Variants in JAM3 observed in about 807,000 individuals in gnomAD.
JAM3 encodes the protein junctional adhesion molecule 3, also known as junctional adhesion molecule C.
Under a neutral mutation model 39.4 loss-of-function variants are expected in JAM3, and 31 were observed. The ratio of observed to expected loss-of-function variants is 0.79; its 90% CI spans 0.59 to 1.06. JAM3 has a LOEUF of 1.06. Ranked by LOEUF, JAM3 falls within the 50% of genes least tolerant of loss-of-function variation. The probability of loss-of-function intolerance (pLI) is 0.00; values close to 1 mark genes in which losing one functional copy is unlikely to be tolerated. For synonymous variants in JAM3, 182 were observed against 148.7 expected, an observed-to-expected ratio of 1.22 and a Z score of -1.63; for missense variants, 455 against 391.4, an observed-to-expected ratio of 1.16 and a Z score of -1.37.
At chr11:134,098,630 T>G (rs1438299103) in intron 1 of JAM3, among the ~76,000 whole-genome samples, 1 of 152,190 alleles carries the variant, frequency 6.6e-6, no homozygotes, top group East Asian at 1.9e-4. Context: ...CCTTGTTGCA[T>G]CATAACAAGG....
intron 2 of JAM3, 85 bp from the exon 3 acceptor site, chr11:134,140,572 A>T: frequency 9.0e-7 from 1 of 1,109,250 alleles, no homozygotes; most frequent in Non-Finnish European, 1.4e-6. Flanking sequence ...AGGCCTCTTG[A>T]ATTAGAGCTT....
At chr11:134,148,994 A>T (rs556034171) in intron 8 of JAM3, 152 bp from the exon 9 acceptor site, 24 of 985,838 alleles carry the variant, frequency 2.4e-5, no homozygotes, top group Admixed American at 9.7e-5. Context: ...ACACACACAC[A>T]CTAATGGGAT....
At chr11:134,136,811 C>T (rs1942872536) in intron 1 of JAM3, among the ~76,000 whole-genome samples, 1 of 152,138 alleles carries the variant, frequency 6.6e-6, no homozygotes, top group African/African-American at 2.4e-5. Flanking sequence ...CAGGCCAAGG[C>T]TTCATTAAGA....
At chr11:134,092,383 A>G (rs1941880606) in intron 1 of JAM3, among the ~76,000 whole-genome samples, 1 of 67,742 alleles carries the variant, frequency 1.5e-5, no homozygotes, top group Non-Finnish European at 2.8e-5. Flanking sequence ...TCCTGAGGGA[A>G]GCTTCTCCTG....
chr11:134,145,014 G>T lies in JAM3; in HGVS notation c.612+20G>T. On this transcript the variant is annotated intron_variant, in intron 5 of 8. Coordinates refer to ENST00000299106, the MANE Select transcript of JAM3 (RefSeq NM_032801.5). Reference sequence around the variant, plus strand: ...ACTTTGGTAAGATCTCTTCTAAGAGGTGAGGATGGAGATGTCTTTGTTGGG... The same window carrying T: ...ACTTTGGTAAGATCTCTTCTAAGAGTTGAGGATGGAGATGTCTTTGTTGGG... The T allele has an allele frequency of 6.3e-7, 1 of 1,578,770 alleles. No homozygotes were observed. The highest frequency in any genetic ancestry group is 1.1e-5 in the South Asian group (1 of 90,312).
chr11:134,147,148 T>G (rs1943088165), intron 6 of JAM3, among the ~76,000 whole-genome samples: 1 of 152,126 alleles, frequency 6.6e-6, no homozygotes, highest in African/African-American at 2.4e-5. Context: ...AACTTGGGAA[T>G]TGACATTTTA....
chr11:134,070,777 A>G (rs1350264097), intron 1 of JAM3, among the ~76,000 whole-genome samples: 2 of 152,246 alleles, frequency 1.3e-5, no homozygotes, highest in Non-Finnish European at 2.9e-5. Context: ...TAGTTTGTTA[A>G]TAAAACTAGA....
chr11:134,087,858 T>C (rs937346535), intron 1 of JAM3, among the ~76,000 whole-genome samples: 5 of 152,232 alleles, frequency 3.3e-5, no homozygotes, highest in African/African-American at 1.2e-4. Flanking sequence ...TTATCAACTT[T>C]GGTACTGTTG....
intron 6 of JAM3, chr11:134,148,132 T>A (rs1244425361): frequency 4.2e-6 from 1 of 239,288 alleles, no homozygotes; most frequent in Non-Finnish European, 8.2e-6. Context: ...GCTACCTTTC[T>A]TCCCCGCAGC....
At chr11:134,118,611 G>T (rs987794400) in intron 1 of JAM3, among the ~76,000 whole-genome samples, 2 of 152,064 alleles carry the variant, frequency 1.3e-5, no homozygotes, top group African/African-American at 4.8e-5. Context: ...CTGCTCTGCT[G>T]CCTTCACCCT....
chr11:134,125,980 C>T (rs987913422), intron 1 of JAM3, among the ~76,000 whole-genome samples: 3 of 152,188 alleles, frequency 2.0e-5, no homozygotes, highest in African/African-American at 4.8e-5. Flanking sequence ...CAAAATCATG[C>T]TCTTTGTGAA....
intron 1 of JAM3, among the ~76,000 whole-genome samples, chr11:134,109,422 C>T (rs1246757390): frequency 6.6e-6 from 1 of 152,222 alleles, no homozygotes; most frequent in Non-Finnish European, 1.5e-5. Flanking sequence ...AAACTACAAT[C>T]CAAAGGCCAA....
intron 1 of JAM3, among the ~76,000 whole-genome samples, chr11:134,103,980 A>C (rs1293804593): frequency 6.6e-6 from 1 of 152,174 alleles, no homozygotes; most frequent in African/African-American, 2.4e-5. Context: ...ATATCCAGGA[A>C]TTGAACTCAG....
intron 1 of JAM3, among the ~76,000 whole-genome samples, chr11:134,087,530 T>G (rs1941765664): frequency 6.6e-6 from 1 of 152,212 alleles, no homozygotes; most frequent in South Asian, 2.1e-4. Context: ...GAGCAAAATC[T>G]TGGACTCTGC....
intron 1 of JAM3, among the ~76,000 whole-genome samples, chr11:134,128,541 T>C (rs779428082): frequency 3.9e-5 from 6 of 152,192 alleles, no homozygotes; most frequent in Admixed American, 1.3e-4. Context: ...TGGAGTTGGC[T>C]TCCCCCCATG....
intron 1 of JAM3, among the ~76,000 whole-genome samples, chr11:134,080,849 A>G (rs1941654377): frequency 6.6e-6 from 1 of 152,190 alleles, no homozygotes; most frequent in African/African-American, 2.4e-5. Flanking sequence ...GAAGACAAGA[A>G]AATGTGGGAA....
intron 1 of JAM3, among the ~76,000 whole-genome samples, chr11:134,116,286 C>T (rs1475232660): frequency 1.3e-5 from 2 of 152,070 alleles, no homozygotes; most frequent in African/African-American, 2.4e-5. Flanking sequence ...AGTGGATGTT[C>T]CCTATAGCAG....
At position 134,144,099 on chromosome 11, in the gene JAM3, C is replaced by T. The variant is rs551170278; in HGVS notation, c.257-142C>T. 6.4e-4 allele frequency: 510 copies of T among 800,160 alleles called. 1 individual carries two copies. In the East Asian group the frequency reaches 0.013, roughly 20 times the overall value. The allele number at this position is 800,160 out of a possible 1,614,324, so 49.6% of individuals were successfully genotyped here. A position where few individuals can be genotyped will look rare whatever the true frequency, so the allele number is the denominator to read the frequency against. On this transcript the variant is annotated intron_variant, in intron 3 of 8. Transcript: ENST00000299106. Reference sequence around the variant, plus strand: ...TGGTTCCTGTCCTCAAGAGAGTTCACTTCTGTACTCGGGAATAGAAATAAA... The same window carrying T: ...TGGTTCCTGTCCTCAAGAGAGTTCATTTCTGTACTCGGGAATAGAAATAAA...
At chr11:134,111,133 CTTTTTTTTTTT>C (rs71038561) in intron 1 of JAM3, among the ~76,000 whole-genome samples, 37 of 86,762 alleles carry the variant, frequency 4.3e-4, no homozygotes, top group Admixed American at 6.7e-4. Context: ...ACACATCCAT[CTTTTTTTTTTT>C]TTTTTTTTTT....
Sources: gnomAD v4.1 joint callset for allele counts (sites outside exome capture counted in the v4.1 genomes callset) on GRCh38, gnomAD v4.1.1 for gene constraint, MANE v1.5 for transcripts, NCBI Gene and HGNC (gene_info 2026-07-23, HGNC 2026-07-21) for gene names.